Variants in USP31 observed in about 807,000 individuals in gnomAD.
The protein encoded by USP31 is ubiquitin carboxyl-terminal hydrolase 31.
Under a neutral mutation model 119.4 loss-of-function variants are expected in USP31, and 44 were observed. That is an observed-to-expected ratio of 0.37 (90% CI 0.29 to 0.47). The LOEUF (loss-of-function observed/expected upper bound fraction) is 0.47. Among genes scored for constraint, USP31 ranks in the 20% least tolerant of loss-of-function variants. The probability of loss-of-function intolerance (pLI) is 0.99; values close to 1 mark genes in which losing one functional copy is unlikely to be tolerated. For synonymous variants in USP31, 749 were observed against 705.6 expected (o/e 1.06, Z -0.97); for missense variants, 1,643 against 1,730.2 (o/e 0.95, Z 0.89).
intron 1 of USP31, among the ~76,000 whole-genome samples, chr16:23,118,439 T>TA (rs1902566383): frequency 6.6e-6 from 1 of 152,224 alleles, no homozygotes; most frequent in African/African-American, 2.4e-5. Flanking sequence ...AGCCCACTGC[T>TA]AATTTTTTTT....
In USP31 at chr16:23,065,953, G is replaced by T. The variant is rs1334165223; in HGVS notation, c.*2093C>A. ...TAGACATTCAATTCCTGATATAGAT[G>T]ATCTCTTATTTGGTGCATCTTTTTC... On this transcript the variant is annotated 3_prime_UTR_variant, in exon 16 of 16. Coordinates refer to ENST00000219689, the MANE Select transcript of USP31 (RefSeq NM_020718.4). The T allele has an allele frequency of 6.6e-6, 1 of 152,178 alleles. No homozygotes were observed. Among genetic ancestry groups the T allele is most frequent in the Non-Finnish European group, 1.5e-5 (1 of 68,042 alleles). 9.4% of individuals were successfully genotyped at this position (152,178 alleles called of 1,614,324 possible).
rs931652831 is a variant in USP31, at chr16:23,147,323, G to T, written c.633+1315C>A. ...GGGTTTCTCCATGTTGGTCAGGCTG[G>T]TCTCGAACCCCCGGACCTCAGGTGA... On this transcript the variant is annotated intron_variant, in intron 1 of 15. Transcript: ENST00000219689. Among the ~76,000 whole-genome samples the T allele has an allele frequency of 1.4e-4, 21 of 152,082 alleles. 1 individual carries two copies. The highest frequency in any genetic ancestry group is 1.1e-3 in the Admixed American group (17 of 15,268).
intron 1 of USP31, among the ~76,000 whole-genome samples, chr16:23,112,276 A>G (rs952695284): frequency 1.6e-4 from 25 of 152,184 alleles, no homozygotes; most frequent in Non-Finnish European, 2.9e-4. Context: ...ATCTCCCTTT[A>G]GCATTATATA....
chr16:23,117,269 C>A (rs1902518589), intron 1 of USP31, among the ~76,000 whole-genome samples: 1 of 152,132 alleles, frequency 6.6e-6, no homozygotes, highest in African/African-American at 2.4e-5. Context: ...ACTCAGGAAC[C>A]AAACAGATTT....
At chr16:23,102,537 T>A in intron 5 of USP31, 74 bp from the exon 6 acceptor site, 1 of 1,521,570 alleles carries the variant, frequency 6.6e-7, no homozygotes, top group Non-Finnish European at 8.8e-7. Flanking sequence ...TTCTATGAAC[T>A]TCTCCAGACC....
At chr16:23,141,262 C>T (rs960093840) in intron 1 of USP31, among the ~76,000 whole-genome samples, 4 of 152,144 alleles carry the variant, frequency 2.6e-5, no homozygotes, top group African/African-American at 9.6e-5. Flanking sequence ...GTCAGACTTT[C>T]AAGTGTACCC....
At chr16:23,094,813 C>G (rs1219930056) in intron 6 of USP31, among the ~76,000 whole-genome samples, 3 of 151,308 alleles carry the variant, frequency 2.0e-5, no homozygotes, top group African/African-American at 7.3e-5. Context: ...GCACCAACAT[C>G]AACAAAAATG....
intron 15 of USP31, among the ~76,000 whole-genome samples, chr16:23,069,920 G>A (rs1400128161): frequency 6.6e-6 from 1 of 152,234 alleles, no homozygotes; most frequent in Admixed American, 6.5e-5. Context: ...GACAGCAGAT[G>A]TTAGGCTTTG....
chr16:23,066,036 G>A lies in USP31; in HGVS notation c.*2010C>T, dbSNP rs1311994672. On this transcript the variant is annotated 3_prime_UTR_variant, in exon 16 of 16. Coordinates refer to ENST00000219689, the MANE Select transcript of USP31 (RefSeq NM_020718.4). Reference sequence around the variant, plus strand: ...GGTGGCTACACACTGATGGGGCTGTGATGTGCTGGGCTGAACGCAATGACA... The same window carrying A: ...GGTGGCTACACACTGATGGGGCTGTAATGTGCTGGGCTGAACGCAATGACA... 1.3e-5 allele frequency: 2 copies of A among 152,252 alleles called. No homozygotes were observed. The highest frequency in any genetic ancestry group is 2.9e-5 in the Non-Finnish European group (2 of 68,048). The allele number at this position is 152,252 out of a possible 1,614,324, so 9.4% of individuals were successfully genotyped here.
At chr16:23,078,827 G>A (rs1216520966) in intron 13 of USP31, among the ~76,000 whole-genome samples, 3 of 152,070 alleles carry the variant, frequency 2.0e-5, no homozygotes, top group East Asian at 1.9e-4. Context: ...AGAAAAACAC[G>A]TCAAGTATAT....
chr16:23,120,715 C>G (rs1161449856), intron 1 of USP31, among the ~76,000 whole-genome samples: 3 of 152,204 alleles, frequency 2.0e-5, no homozygotes, highest in Non-Finnish European at 2.9e-5. Flanking sequence ...TACAGACATA[C>G]GAACTCAGCA....
intron 14 of USP31, chr16:23,072,414 A>T (rs1206637329): frequency 3.2e-6 from 2 of 626,520 alleles, no homozygotes; most frequent in Admixed American, 5.5e-5. Flanking sequence ...TGACGCATGA[A>T]ATTTGTAGTA....
intron 1 of USP31, among the ~76,000 whole-genome samples, chr16:23,132,591 T>G (rs1369324622): frequency 6.6e-6 from 1 of 152,218 alleles, no homozygotes; most frequent in Non-Finnish European, 1.5e-5. Context: ...TCTATATGAT[T>G]ACAGCTGTTA....
At chr16:23,114,933 CAT>C (rs1902443621) in intron 1 of USP31, among the ~76,000 whole-genome samples, 1 of 152,170 alleles carries the variant, frequency 6.6e-6, no homozygotes, top group Non-Finnish European at 1.5e-5. Context: ...CAAAACAAAA[CAT>C]AGAAGAATCT....
rs570971428 is a variant in USP31 at position 23,067,144 on chromosome 16, G to T, written c.*902C>A. 2 of 152,702 alleles carry T rather than the reference G, an allele frequency of 1.3e-5. No individual in the cohort carries two copies. The highest frequency in any genetic ancestry group is 4.8e-5 in the African/African-American group (2 of 41,574). 9.5% of individuals were successfully genotyped at this position (152,702 alleles called of 1,614,324 possible). A position where few individuals can be genotyped will look rare whatever the true frequency, so the allele number is the denominator to read the frequency against. On this transcript the variant is annotated 3_prime_UTR_variant, in exon 16 of 16. Coordinates refer to ENST00000219689, the MANE Select transcript of USP31 (RefSeq NM_020718.4). ...CTTTCACCCAGTTTAGAATCTAGAA[G>T]TTTTTTCCAGGAATCTGTCAAAGGT...
intron 1 of USP31, among the ~76,000 whole-genome samples, chr16:23,116,710 C>A (rs931274658): frequency 6.6e-6 from 1 of 152,144 alleles, no homozygotes; most frequent in Non-Finnish European, 1.5e-5. Context: ...ATGTACTTCC[C>A]CTAGGGCTGG....
At chr16:23,119,005 C>A (rs943148010) in intron 1 of USP31, among the ~76,000 whole-genome samples, 1 of 151,862 alleles carries the variant, frequency 6.6e-6, no homozygotes, top group Non-Finnish European at 1.5e-5. Flanking sequence ...AATAAATTCA[C>A]CCTTAGGAAA....
intron 1 of USP31, among the ~76,000 whole-genome samples, chr16:23,119,177 C>A (rs1267084278): frequency 4.0e-5 from 6 of 151,166 alleles, no homozygotes; most frequent in Non-Finnish European, 8.8e-5. Context: ...CAGCTCACTG[C>A]GACCTCCGCC....
chr16:23,101,970 T>TAAAAAAA (rs34773118), intron 6 of USP31, among the ~76,000 whole-genome samples: 2 of 85,526 alleles, frequency 2.3e-5, no homozygotes, highest in East Asian at 7.0e-4. Flanking sequence ...TAGCAAAATT[T>TAAAAAAA]AAAAAAAAAA....
Sources: gnomAD v4.1 joint callset for allele counts (sites outside exome capture counted in the v4.1 genomes callset) on GRCh38, gnomAD v4.1.1 for gene constraint, MANE v1.5 for transcripts, NCBI Gene and HGNC (gene_info 2026-07-23, HGNC 2026-07-21) for gene names.